Variants in QKI observed in about 807,000 individuals in gnomAD.
QKI encodes the protein QKI, KH domain containing RNA binding.
Under a neutral mutation model 39.0 loss-of-function variants are expected in QKI, and 10 were observed. That is an observed-to-expected ratio of 0.26 (90% CI 0.16 to 0.43). The LOEUF (loss-of-function observed/expected upper bound fraction) is 0.43, where lower values mean the gene tolerates loss of function less well. Among genes scored for constraint, QKI ranks in the 20% least tolerant of loss-of-function variants. QKI has a pLI of 1.00. For missense variants in QKI, 218 were observed against 428.0 expected (o/e 0.51, Z 4.33); for synonymous variants, 204 against 155.4 (o/e 1.31, Z -2.33).
At chr6:163,483,752 C>T (rs1446531372) in intron 3 of QKI, among the ~76,000 whole-genome samples, 1 of 152,136 alleles carries the variant, frequency 6.6e-6, no homozygotes, top group Non-Finnish European at 1.5e-5. Context: ...TAACTTTTTC[C>T]AGACTCCTGC....
chr6:163,444,032 A>G (rs1390198658), intron 1 of QKI, among the ~76,000 whole-genome samples: 2 of 152,188 alleles, frequency 1.3e-5, no homozygotes, highest in African/African-American at 4.8e-5. Flanking sequence ...GAATCTAATT[A>G]CATGAGGATT....
chr6:163,559,194 C>T lies in QKI; in HGVS notation c.547-2788C>T, dbSNP rs865907791. 3.3e-5 allele frequency among the ~76,000 whole-genome samples: 5 copies of T among 151,676 alleles called. No individual in the cohort carries two copies. In the South Asian group the frequency reaches 6.3e-4, roughly 19 times the overall value. ...AGCACCTGCCCTTCTGCAGGAAACT[C>T]GTCTTTCGTCTTTATTTCCTCTTTG... On this transcript the variant is annotated intron_variant, in intron 4 of 7. Coordinates refer to ENST00000361752, the MANE Select transcript of QKI (RefSeq NM_006775.3).
intron 3 of QKI, among the ~76,000 whole-genome samples, chr6:163,509,734 A>G (rs1779317218): frequency 6.6e-6 from 1 of 152,148 alleles, no homozygotes; most frequent in Non-Finnish European, 1.5e-5. Context: ...GAAATAATGT[A>G]TATATAGATA....
Position 163,568,591 on chromosome 6 carries a change from A to G in QKI, c.1009+1796A>G, listed in dbSNP as rs1285082180. 2.0e-6 allele frequency: 2 copies of G among 977,610 alleles called. 1 individual carries two copies. Among genetic ancestry groups the G allele is most frequent in the South Asian group, 9.5e-5 (2 of 21,116 alleles). 60.6% of individuals were successfully genotyped at this position (977,610 alleles called of 1,614,324 possible). A position where few individuals can be genotyped will look rare whatever the true frequency, so the allele number is the denominator to read the frequency against. ...ATGTCTGAAGTCCTTCACTTAAATT[A>G]TTTTATGATACTACTGTTTTCTCTA... On this transcript the variant is annotated intron_variant, in intron 7 of 7. Transcript: ENST00000361752.
At chr6:163,462,969 AGTG>A (rs1791458283) in intron 2 of QKI, among the ~76,000 whole-genome samples, 1 of 152,218 alleles carries the variant, frequency 6.6e-6, no homozygotes, top group African/African-American at 2.4e-5. Context: ...TGATTATTAA[AGTG>A]GTGACAATCA....
rs1241224693 is a variant in QKI, at chr6:163,573,845, A to G, written c.*3135A>G. ...ATTAACCTTTATATGTTTAATTAAA[A>G]TAAACAAATAAAGACAAAAGAATGT... On this transcript the variant is annotated 3_prime_UTR_variant, in exon 8 of 8. Transcript: ENST00000361752. 6.6e-6 allele frequency: 1 copy of G among 152,206 alleles called. No homozygotes were observed. Among genetic ancestry groups the G allele is most frequent in the African/African-American group, 2.4e-5 (1 of 41,450 alleles). 9.4% of individuals were successfully genotyped at this position (152,206 alleles called of 1,614,324 possible).
chr6:163,565,876 TGAG>T, intron 6 of QKI: 1 of 1,602,094 alleles, frequency 6.2e-7, no homozygotes, highest in South Asian at 1.1e-5. Flanking sequence ...TTGGTAGTAG[TGAG>T]GAGATTGGTA....
chr6:163,495,023 C>G (rs373148848), intron 3 of QKI, among the ~76,000 whole-genome samples: 57 of 151,836 alleles, frequency 3.8e-4, no homozygotes, highest in Middle Eastern at 3.2e-3. Flanking sequence ...TCAGGCGATT[C>G]CCTTGCCTCA....
chr6:163,427,998 T>C (rs1788540308), intron 1 of QKI, among the ~76,000 whole-genome samples: 1 of 152,176 alleles, frequency 6.6e-6, no homozygotes. Flanking sequence ...GTAAGGAACT[T>C]ATGTTCCAGC....
chr6:163,440,619 A>G (rs1789695919), intron 1 of QKI, among the ~76,000 whole-genome samples: 1 of 152,256 alleles, frequency 6.6e-6, no homozygotes, highest in African/African-American at 2.4e-5. Flanking sequence ...TAGAAACTCA[A>G]TAAAAGGTAA....
intron 4 of QKI, among the ~76,000 whole-genome samples, chr6:163,542,227 G>T (rs981215279): frequency 6.6e-6 from 1 of 151,908 alleles, no homozygotes; most frequent in African/African-American, 2.4e-5. Flanking sequence ...TGCTTCTCAG[G>T]TATCAGATAC....
chr6:163,494,093 A>G (rs1583092121), intron 3 of QKI, among the ~76,000 whole-genome samples: 2 of 150,360 alleles, frequency 1.3e-5, no homozygotes, highest in African/African-American at 2.5e-5. Flanking sequence ...TGCAGGCCCC[A>G]CATCCTCCAA....
At chr6:163,489,292 C>T (rs1777898369) in intron 3 of QKI, among the ~76,000 whole-genome samples, 1 of 151,758 alleles carries the variant, frequency 6.6e-6, no homozygotes, top group Non-Finnish European at 1.5e-5. Context: ...CTAAATTCCT[C>T]CGTCTTAGGG....
At chr6:163,415,374 G>C (rs757941480) in intron 1 of QKI, 39 bp downstream of exon 1, 1 of 1,552,084 alleles carries the variant, frequency 6.4e-7, no homozygotes, top group Non-Finnish European at 8.7e-7. Context: ...CCCGACCCCC[G>C]CCGGGGCGGC....
chr6:163,423,593 G>A (rs553257240), intron 1 of QKI: 91 of 152,294 alleles, frequency 6.0e-4, no homozygotes, highest in African/African-American at 2.2e-3. Context: ...AGTTGTGAAG[G>A]TAAAGAAGAC....
intron 2 of QKI, among the ~76,000 whole-genome samples, chr6:163,476,113 G>A (rs573647304): frequency 6.6e-6 from 1 of 152,100 alleles, no homozygotes; most frequent in Admixed American, 6.5e-5. Context: ...GTAGTCAGAG[G>A]AATGCTAATT....
chr6:163,455,559 G>A (rs1198536753), intron 2 of QKI, 138 bp downstream of exon 2: 3 of 897,582 alleles, frequency 3.3e-6, no homozygotes, highest in East Asian at 2.6e-5. Flanking sequence ...GAATAATTTG[G>A]CATGATAATT....
intron 4 of QKI, among the ~76,000 whole-genome samples, chr6:163,544,640 A>C (rs73784461): frequency 9.9e-5 from 15 of 152,078 alleles, no homozygotes; most frequent in African/African-American, 3.4e-4. Context: ...TAAGCCAAAA[A>C]TTTTGAGACT....
chr6:163,564,892 G>T (rs1783257284), intron 6 of QKI: 5 of 1,366,712 alleles, frequency 3.7e-6, no homozygotes, highest in Admixed American at 3.1e-5. Context: ...GATCTTTTAA[G>T]GTTTTTTTTC....
Sources: gnomAD v4.1 joint callset for allele counts (sites outside exome capture counted in the v4.1 genomes callset) on GRCh38, gnomAD v4.1.1 for gene constraint, MANE v1.5 for transcripts, NCBI Gene and HGNC (gene_info 2026-07-23, HGNC 2026-07-21) for gene names.